The following PRSS54 variants were observed in gnomAD, a reference collection of about 807,000 sequenced individuals.
The protein encoded by PRSS54 is serine protease 54.
In PRSS54, 16 loss-of-function variants were observed where a neutral mutation model predicts 19.9. That is an observed-to-expected ratio of 0.80 (90% CI 0.54 to 1.22). The LOEUF (loss-of-function observed/expected upper bound fraction) is 1.22, where lower values mean the gene tolerates loss of function less well. PRSS54 is among the 50% of genes most tolerant of loss of function. The pLI, the probability that PRSS54 is intolerant of heterozygous loss-of-function variation, is 0.00. For missense variants in PRSS54, 444 were observed against 494.8 expected, an observed-to-expected ratio of 0.90 and a Z score of 0.97; for synonymous variants, 177 against 195.8, an observed-to-expected ratio of 0.90 and a Z score of 0.80.
At chr16:58,286,685 T>C (rs1013123139) in intron 4 of PRSS54, among the ~76,000 whole-genome samples, 1 of 152,148 alleles carries the variant, frequency 6.6e-6, no homozygotes, top group African/African-American at 2.4e-5. Context: ...ATGTTTTCCC[T>C]TTCTCCTCTT....
Position 58,284,624 on chromosome 16 carries a change from C to T in PRSS54, c.620G>A (p.Ser207Asn), listed in dbSNP as rs780746959. Residue 207 changes from serine (S) to asparagine (N), a missense_variant, in exon 6 of 7, where the codon AGC becomes AAC. Ser to Asn is a conservative substitution (Grantham distance 46, BLOSUM62 1). Transcript: ENST00000567164. ...AGTCTTGGTTTCCTCTTTCGTGTGG[C>T]TGCCGCATTCTGTCTTCTGGAGTTT... ...LYKLQKTECG[S>N]HTKEETKTAC... is the part of the protein sequence containing the mutation. 10 of 1,614,072 alleles carry T rather than the reference C, an allele frequency of 6.2e-6. No individual in the cohort carries two copies. In the Admixed American group the frequency reaches 1.5e-4, roughly 24 times the overall value.
chr16:58,292,054 G>T (rs1319565062), intron 3 of PRSS54, among the ~76,000 whole-genome samples: 1 of 152,176 alleles, frequency 6.6e-6, no homozygotes, highest in Non-Finnish European at 1.5e-5. Context: ...TCAGCCTCCT[G>T]AGTAGCTGGG....
At chr16:58,292,229 G>A (rs913689263) in intron 3 of PRSS54, among the ~76,000 whole-genome samples, 16 of 152,230 alleles carry the variant, frequency 1.1e-4, no homozygotes, top group Non-Finnish European at 1.5e-4. Context: ...ACACCCTACC[G>A]GTGACTCCTT....
rs1390286727 is a variant in PRSS54, at chr16:58,284,736, A to G, written c.523-15T>C. 1 of 1,613,634 alleles carries G rather than the reference A, an allele frequency of 6.2e-7. No individual in the cohort carries two copies. Among genetic ancestry groups the G allele is most frequent in the Admixed American group, 1.7e-5 (1 of 60,014 alleles). On this transcript the variant is annotated splice_polypyrimidine_tract_variant and intron_variant, in intron 5 of 6. Transcript: ENST00000567164. ...TGATTTCCTGTCTGGACCATGCAAC[A>G]GAGAGCCCAGGGATTATTAACGAGA... is the stretch of plus-strand genomic sequence containing the variant.
chr16:58,294,692 C>CT (rs901808901), intron 1 of PRSS54, among the ~76,000 whole-genome samples, 195 bp downstream of exon 1: 2 of 152,182 alleles, frequency 1.3e-5, no homozygotes, highest in African/African-American at 4.8e-5. Context: ...TAGCCTGTAT[C>CT]TTTACATAGG....
In PRSS54 at chr16:58,280,149, A is replaced by G. The variant is rs1964677720; in HGVS notation, c.*75T>C. On this transcript the variant is annotated 3_prime_UTR_variant, in exon 7 of 7. Transcript: ENST00000567164. The stretch of plus-strand genomic sequence containing the variant: ...CAGTGTGCAACTATCAAAAACAGAC[A>G]TCAAAACAGCATGGTGAATGCCTGG... 1.4e-6 allele frequency: 2 copies of G among 1,467,168 alleles called. No homozygotes were observed. Among genetic ancestry groups the G allele is most frequent in the East Asian group, 2.3e-5 (1 of 43,806 alleles). The allele number at this position is 1,467,168 out of a possible 1,614,324, so 90.9% of individuals were successfully genotyped here.
At position 58,280,099 on chromosome 16, in the gene PRSS54, G is replaced by T; in HGVS notation, c.*125C>A. On this transcript the variant is annotated 3_prime_UTR_variant, in exon 7 of 7. Transcript: ENST00000567164. The stretch of plus-strand genomic sequence containing the variant: ...AGGAGGGAGAGCCAGCCCAGTGTAT[G>T]CCATGGGCTTATCCGTGGCAGCCCC... 3.2e-6 allele frequency: 3 copies of T among 944,746 alleles called. No individual in the cohort carries two copies. The highest frequency in any genetic ancestry group is 4.8e-6 in the Non-Finnish European group (3 of 625,474). The allele number at this position is 944,746 out of a possible 1,614,324, so 58.5% of individuals were successfully genotyped here.
chr16:58,290,926 G>T (rs1189197023), intron 4 of PRSS54, 33 bp downstream of exon 4: 14 of 1,609,408 alleles, frequency 8.7e-6, no homozygotes, highest in Non-Finnish European at 1.2e-5. Flanking sequence ...CACCCCCGGC[G>T]ATGTTGCGGG....
chr16:58,291,212 C>T (rs1043512240), intron 3 of PRSS54, 76 bp from the exon 4 acceptor site: 10 of 1,373,074 alleles, frequency 7.3e-6, no homozygotes, highest in East Asian at 4.6e-5. Flanking sequence ...CTGTCTGTCT[C>T]GATCATCACT....
In PRSS54 at chr16:58,282,604, A is replaced by G. The variant is rs1964795361; in HGVS notation, c.655-1847T>C. 4 of 152,422 alleles carry G rather than the reference A, an allele frequency of 2.6e-5. No individual in the cohort carries two copies. The South Asian group carries it at 6.2e-4, about 24-fold the overall frequency. 9.4% of individuals were successfully genotyped at this position (152,422 alleles called of 1,614,324 possible). ...ATCTCTCAGCAGGCCAAGGCCAGACATGTGAGGAAGGCCTTGAGGACTTCA... is the reference window on the plus strand; with the variant it reads ...ATCTCTCAGCAGGCCAAGGCCAGACGTGTGAGGAAGGCCTTGAGGACTTCA... On this transcript the variant is annotated intron_variant, in intron 6 of 6. Coordinates refer to ENST00000567164, the MANE Select transcript of PRSS54 (RefSeq NM_001305173.2).
chr16:58,293,645 C>T, intron 3 of PRSS54, 87 bp downstream of exon 3: 1 of 1,546,500 alleles, frequency 6.5e-7, no homozygotes, highest in Non-Finnish European at 8.7e-7. Context: ...CCTCCTTGGA[C>T]ATTAAGGACC....
chr16:58,286,221 A>T (rs1437706415), intron 4 of PRSS54, 26 bp from the exon 5 acceptor site: 1 of 1,611,934 alleles, frequency 6.2e-7, no homozygotes, highest in South Asian at 1.1e-5. Flanking sequence ...GGGAATCTTG[A>T]GAAGCCAAGA....
intron 3 of PRSS54, among the ~76,000 whole-genome samples, chr16:58,292,829 G>A (rs1156929089): frequency 6.6e-6 from 1 of 152,210 alleles, no homozygotes; most frequent in Non-Finnish European, 1.5e-5. Flanking sequence ...TAGTTTATCT[G>A]ACCTCACAAA....
chr16:58,280,354 G>C lies in PRSS54; in HGVS notation c.1058C>G (p.Pro353Arg). The change falls in exon 7 of 7, where the codon CCC becomes CGC. Residue 353 changes from proline (P) to arginine (R), a missense_variant. By Grantham distance (103) the Pro-to-Arg change is moderately radical. Coordinates refer to ENST00000567164, the MANE Select transcript of PRSS54 (RefSeq NM_001305173.2). ...SGRSPEASVQ[P>R]LYYDYYGGEV... is the part of the protein sequence containing the mutation. ...CCCACCGTAATAGTCATAGTATAAG[G>C]GTTGTACAGACGCCTCAGGAGACCT... 2 of 1,614,096 alleles carry C rather than the reference G, an allele frequency of 1.2e-6. No homozygotes were observed. Among genetic ancestry groups the C allele is most frequent in the East Asian group, 2.2e-5 (1 of 44,870 alleles).
chr16:58,289,879 A>G (rs902486552), intron 4 of PRSS54, among the ~76,000 whole-genome samples: 1 of 152,070 alleles, frequency 6.6e-6, no homozygotes, highest in Non-Finnish European at 1.5e-5. Context: ...ACCCGGCTAC[A>G]CATGTATTTT....
chr16:58,285,948 G>A lies in PRSS54; in HGVS notation c.511C>T (p.Pro171Ser). The change falls in exon 5 of 7, where the codon CCC becomes TCC. Residue 171 changes from proline (P) to serine (S), a missense_variant. Pro to Ser is a moderately conservative substitution (Grantham distance 74). Transcript: ENST00000567164. Reference protein sequence around the residue: ...LQNCWVSGWNPTSATGNHMTM... With the variant: ...LQNCWVSGWNSTSATGNHMTM... Reference sequence around the variant, plus strand: ...AGGAATGCCTTAACTGCAGATGTGGGATTCCATCCTGACACCCAGCAGTTC... The same window carrying A: ...AGGAATGCCTTAACTGCAGATGTGGAATTCCATCCTGACACCCAGCAGTTC... The A allele has an allele frequency of 6.2e-7, 1 of 1,614,124 alleles. No homozygotes were observed. Among genetic ancestry groups the A allele is most frequent in the Non-Finnish European group, 8.5e-7 (1 of 1,180,006 alleles).
Position 58,286,226 on chromosome 16 carries a change from C to A in PRSS54, c.264-31G>T, listed in dbSNP as rs188862189. Reference sequence around the variant, plus strand: ...GAGAGAGCAAGGGAATCTTGAGAAGCCAAGACAGCAAGGAAGCTTCACGCT... The same window carrying A: ...GAGAGAGCAAGGGAATCTTGAGAAGACAAGACAGCAAGGAAGCTTCACGCT... On this transcript the variant is annotated intron_variant, in intron 4 of 6. Transcript: ENST00000567164. 849 of 1,610,168 alleles carry A rather than the reference C, an allele frequency of 5.3e-4. No individual in the cohort carries two copies. The highest frequency in any genetic ancestry group is 8.3e-4 in the Middle Eastern group (5 of 6,040).
chr16:58,291,366 T>C (rs964079142), intron 3 of PRSS54, among the ~76,000 whole-genome samples: 6 of 152,260 alleles, frequency 3.9e-5, no homozygotes, highest in African/African-American at 1.4e-4. Context: ...CGGTACACAT[T>C]GGCAGTGTCT....
intron 4 of PRSS54, 86 bp downstream of exon 4, chr16:58,290,873 G>C: frequency 6.8e-7 from 1 of 1,466,180 alleles, no homozygotes; most frequent in South Asian, 1.3e-5. Flanking sequence ...GCACCTTTCA[G>C]GGCCTCCCCA....
Sources: gnomAD v4.1 joint callset for allele counts (sites outside exome capture counted in the v4.1 genomes callset) on GRCh38, gnomAD v4.1.1 for gene constraint, MANE v1.5 for transcripts, NCBI Gene and HGNC (gene_info 2026-07-23, HGNC 2026-07-21) for gene names.